The following PRKG1 variants were observed in gnomAD, a reference collection of about 807,000 sequenced individuals.
The protein encoded by PRKG1 is cGMP-dependent protein kinase 1.
PRKG1 carries 35 observed loss-of-function variants against 88.1 expected under a neutral mutation model. That is an observed-to-expected ratio of 0.40 (90% CI 0.30 to 0.53). The LOEUF (loss-of-function observed/expected upper bound fraction) is 0.53, where lower values mean the gene tolerates loss of function less well. Ranked by LOEUF, PRKG1 falls within the 20% of genes least tolerant of loss-of-function variation. The pLI is 0.59. For missense variants in PRKG1, 540 were observed against 839.8 expected, an observed-to-expected ratio of 0.64 and a Z score of 4.41; for synonymous variants, 303 against 292.5, an observed-to-expected ratio of 1.04 and a Z score of -0.37.
chr10:51,206,544 C>CAGAATGAAAACTT (rs1564638014), intron 2 of PRKG1, among the ~76,000 whole-genome samples: 4 of 151,482 alleles, frequency 2.6e-5, no homozygotes, highest in African/African-American at 9.7e-5. Flanking sequence ...TTTCTTAAGC[C>CAGAATGAAAACTT]AGAATGAAAA....
chr10:51,096,353 T>C (rs1844527962), intron 1 of PRKG1, among the ~76,000 whole-genome samples: 1 of 152,154 alleles, frequency 6.6e-6, no homozygotes. Flanking sequence ...TTTAGACACT[T>C]AATAATTTTT....
intron 2 of PRKG1, among the ~76,000 whole-genome samples, chr10:51,329,140 A>T (rs955857193): frequency 1.3e-5 from 2 of 152,186 alleles, no homozygotes; most frequent in Non-Finnish European, 2.9e-5. Context: ...TTCATTGCCC[A>T]GGCCAATGTC....
chr10:51,081,666 C>G (rs1256645716), intron 1 of PRKG1, among the ~76,000 whole-genome samples: 3 of 152,230 alleles, frequency 2.0e-5, no homozygotes, highest in Non-Finnish European at 4.4e-5. Flanking sequence ...TGCTCATCAT[C>G]ATCAGATTGG....
intron 3 of PRKG1, among the ~76,000 whole-genome samples, chr10:51,733,798 A>G (rs1057109645): frequency 1.3e-5 from 2 of 152,198 alleles, no homozygotes; most frequent in African/African-American, 4.8e-5. Flanking sequence ...AATTGTCGCA[A>G]TGAATATTTT....
chr10:51,229,377 G>A (rs1045154875), intron 2 of PRKG1, among the ~76,000 whole-genome samples: 4 of 152,106 alleles, frequency 2.6e-5, no homozygotes, highest in South Asian at 4.1e-4. Flanking sequence ...TAAATGTTCC[G>A]TTGTCCATGC....
intron 9 of PRKG1, among the ~76,000 whole-genome samples, chr10:52,239,356 A>AAG (rs1244173047): frequency 2.1e-3 from 229 of 107,172 alleles, no homozygotes; most frequent in East Asian, 0.02. Context: ...AAAAAAAAAA[A>AAG]AGAGATTCCT....
intron 1 of PRKG1, among the ~76,000 whole-genome samples, chr10:51,077,071 A>C (rs1337682011): frequency 6.6e-6 from 1 of 152,212 alleles, no homozygotes; most frequent in Non-Finnish European, 1.5e-5. Context: ...AGTAGTAGAA[A>C]GTGTACCTTT....
At chr10:51,645,679 A>C (rs762751121) in intron 3 of PRKG1, among the ~76,000 whole-genome samples, 11 of 152,194 alleles carry the variant, frequency 7.2e-5, no homozygotes, top group Non-Finnish European at 1.5e-4. Context: ...AAGCAAAATG[A>C]AAACAAAAGA....
At chr10:51,353,300 A>G (rs1281821450) in intron 2 of PRKG1, among the ~76,000 whole-genome samples, 2 of 152,282 alleles carry the variant, frequency 1.3e-5, no homozygotes, top group East Asian at 1.9e-4. Flanking sequence ...AATAAATGGG[A>G]TCACATCAAG....
At chr10:51,993,864 C>T (rs1844372522) in intron 5 of PRKG1, among the ~76,000 whole-genome samples, 1 of 152,110 alleles carries the variant, frequency 6.6e-6, no homozygotes, top group Non-Finnish European at 1.5e-5. Context: ...TAACTCTAAC[C>T]CCAACTTCAG....
intron 1 of PRKG1, among the ~76,000 whole-genome samples, chr10:51,131,123 C>G (rs537846782): frequency 1.3e-5 from 2 of 152,266 alleles, no homozygotes; most frequent in South Asian, 4.1e-4. Flanking sequence ...TTCCCATCCT[C>G]TGAAATATTT....
chr10:51,974,478 G>A (rs897584259), intron 5 of PRKG1, among the ~76,000 whole-genome samples: 10 of 152,058 alleles, frequency 6.6e-5, no homozygotes, highest in African/African-American at 2.2e-4. Flanking sequence ...TTGATCCATC[G>A]TTTAGTGCCT....
At chr10:50,998,548 G>A (rs1275986766) in intron 1 of PRKG1, among the ~76,000 whole-genome samples, 3 of 152,192 alleles carry the variant, frequency 2.0e-5, no homozygotes, top group Non-Finnish European at 4.4e-5. Context: ...AGGAGTTTGA[G>A]GCCAGCCTGG....
chr10:51,179,102 A>G (rs920405267), intron 2 of PRKG1, among the ~76,000 whole-genome samples: 3 of 152,212 alleles, frequency 2.0e-5, no homozygotes, highest in Non-Finnish European at 4.4e-5. Context: ...CTTGCGCTTA[A>G]TGATGCCAAA....
intron 3 of PRKG1, among the ~76,000 whole-genome samples, chr10:51,523,372 G>T (rs1176028298): frequency 1.3e-5 from 2 of 152,146 alleles, no homozygotes; most frequent in African/African-American, 4.8e-5. Flanking sequence ...TTCTATTTAA[G>T]TTGGTTAGTC....
chr10:51,801,001 G>T (rs998301281), intron 3 of PRKG1, among the ~76,000 whole-genome samples: 5 of 152,024 alleles, frequency 3.3e-5, no homozygotes, highest in African/African-American at 1.2e-4. Context: ...ATTCTTTTCT[G>T]CAAAGCCTTC....
chr10:51,524,318 A>C (rs528619183), intron 3 of PRKG1, among the ~76,000 whole-genome samples: 3 of 152,206 alleles, frequency 2.0e-5, no homozygotes, highest in Non-Finnish European at 4.4e-5. Flanking sequence ...CATCTGGGAA[A>C]AATGGTGATT....
At chr10:51,041,549 GC>G (rs1843423030) in intron 1 of PRKG1, among the ~76,000 whole-genome samples, 1 of 152,000 alleles carries the variant, frequency 6.6e-6, no homozygotes, top group African/African-American at 2.4e-5. Flanking sequence ...GATGGATACT[GC>G]CAGGAGTAGG....
intron 1 of PRKG1, among the ~76,000 whole-genome samples, chr10:51,148,471 T>C (rs1358976812): frequency 1.3e-5 from 2 of 152,310 alleles, no homozygotes; most frequent in Non-Finnish European, 2.9e-5. Flanking sequence ...CCTGGAAGTC[T>C]TTTTTAATCA....
Sources: allele counts gnomAD v4.1 joint callset (sites outside exome capture counted in the v4.1 genomes callset), GRCh38; gene constraint gnomAD v4.1.1; transcripts MANE v1.5; gene names NCBI Gene and HGNC (gene_info 2026-07-23, HGNC 2026-07-21).